Variants in EPB41L1 observed in about 807,000 individuals in gnomAD.
EPB41L1 encodes erythrocyte membrane protein band 4.1 like 1, also known as band 4.1-like protein 1.
A neutral mutation model predicts 97.8 loss-of-function variants in EPB41L1; 29 were observed. The observed-to-expected ratio is 0.30, with a 90% CI of 0.22 to 0.40. The LOEUF is 0.40. Among genes scored for constraint, EPB41L1 ranks in the 10% least tolerant of loss-of-function variants. The pLI, the probability that EPB41L1 is intolerant of heterozygous loss-of-function variation, is 1.00. For missense variants in EPB41L1, 812 were observed against 1,162.3 expected, an observed-to-expected ratio of 0.70 and a Z score of 4.38; for synonymous variants, 383 against 459.2, an observed-to-expected ratio of 0.83 and a Z score of 2.12.
At chr20:36,188,000 T>A (rs1413317843) in intron 8 of EPB41L1, among the ~76,000 whole-genome samples, 1 of 152,232 alleles carries the variant, frequency 6.6e-6, no homozygotes, top group African/African-American at 2.4e-5. Flanking sequence ...GGGAGCATTG[T>A]GAGGGAAAGA....
chr20:36,232,690 C>T lies in EPB41L1; in HGVS notation c.*3350C>T, dbSNP rs1219278634. 1 of 399,062 alleles carries T rather than the reference C, an allele frequency of 2.5e-6. No homozygotes were observed. The highest frequency in any genetic ancestry group is 2.1e-5 in the African/African-American group (1 of 48,590). 24.7% of individuals were successfully genotyped at this position (399,062 alleles called of 1,614,324 possible). On this transcript the variant is annotated 3_prime_UTR_variant, in exon 22 of 22. Transcript: ENST00000338074. Reference sequence around the variant, plus strand: ...TCCTTTTTACTCACACCCTTCTCTCCTTTCTCGTCCCCATGCTCCCCCACC... The same window carrying T: ...TCCTTTTTACTCACACCCTTCTCTCTTTTCTCGTCCCCATGCTCCCCCACC...
At chr20:36,167,245 A>T (rs780718401) in intron 1 of EPB41L1, among the ~76,000 whole-genome samples, 5 of 152,174 alleles carry the variant, frequency 3.3e-5, no homozygotes, top group Non-Finnish European at 5.9e-5. Flanking sequence ...AACAGACGGA[A>T]AGCCAATGTG....
chr20:36,131,843 G>A (rs774440987), intron 2 of EPB41L1, among the ~76,000 whole-genome samples: 8 of 152,192 alleles, frequency 5.3e-5, no homozygotes, highest in Non-Finnish European at 8.8e-5. Context: ...GGTTTATGGC[G>A]TAGGTGGCCC....
chr20:36,166,599 C>T (rs934706485), intron 1 of EPB41L1, among the ~76,000 whole-genome samples: 13 of 152,132 alleles, frequency 8.5e-5, no homozygotes, highest in Non-Finnish European at 1.8e-4. Context: ...TGAAAACCGA[C>T]CACCCAGCTG....
intron 2 of EPB41L1, among the ~76,000 whole-genome samples, chr20:36,131,132 C>T (rs1363567759): frequency 7.2e-5 from 11 of 152,092 alleles, no homozygotes; most frequent in South Asian, 2.1e-4. Context: ...TGTGCCACCA[C>T]GCCCAGCTAA....
chr20:36,095,042 G>A (rs1470948619), intron 1 of EPB41L1, among the ~76,000 whole-genome samples: 1 of 151,970 alleles, frequency 6.6e-6, no homozygotes, highest in African/African-American at 2.4e-5. Flanking sequence ...CATGATCTCG[G>A]CTCACTGCAA....
chr20:36,165,156 A>G (rs1346387756), intron 1 of EPB41L1, among the ~76,000 whole-genome samples: 1 of 151,194 alleles, frequency 6.6e-6, no homozygotes, highest in East Asian at 2.0e-4. Flanking sequence ...TAATTTTTGT[A>G]TTTTTTCTAG....
intron 1 of EPB41L1, among the ~76,000 whole-genome samples, chr20:36,096,426 A>G (rs974128697): frequency 7.9e-5 from 12 of 152,178 alleles, no homozygotes; most frequent in Non-Finnish European, 1.8e-4. Context: ...TTTGATCTCT[A>G]AGGCCCTTCA....
At chr20:36,122,132 A>T (rs1399458078) in intron 2 of EPB41L1, among the ~76,000 whole-genome samples, 2 of 152,170 alleles carry the variant, frequency 1.3e-5, no homozygotes, top group Non-Finnish European at 2.9e-5. Flanking sequence ...GAGAGTGGCC[A>T]CATTTTATCC....
chr20:36,170,819 T>C (rs556503666), intron 1 of EPB41L1, among the ~76,000 whole-genome samples: 1 of 152,270 alleles, frequency 6.6e-6, no homozygotes, highest in African/African-American at 2.4e-5. Flanking sequence ...GAGGAGTAGA[T>C]TGAATTATCT....
At chr20:36,217,305 A>C (rs1237005055) in intron 17 of EPB41L1, among the ~76,000 whole-genome samples, 2 of 152,210 alleles carry the variant, frequency 1.3e-5, no homozygotes, top group East Asian at 1.9e-4. Context: ...TTTGACCTCC[A>C]TGAGGCAGCA....
At chr20:36,126,269 TG>T (rs1291500138) in intron 2 of EPB41L1, among the ~76,000 whole-genome samples, 1 of 152,094 alleles carries the variant, frequency 6.6e-6, no homozygotes, top group East Asian at 1.9e-4. Context: ...GTAACAAAGC[TG>T]GGGATTTTAT....
In EPB41L1 at chr20:36,173,904, A is replaced by G. The variant is rs894380826; in HGVS notation, c.127A>G (p.Asn43Asp). 1.2e-6 allele frequency: 2 copies of G among 1,613,922 alleles called. No individual in the cohort carries two copies. The highest frequency in any genetic ancestry group is 2.7e-5 in the African/African-American group (2 of 74,928). Residue 43 changes from asparagine (N) to aspartate (D), a missense_variant, in exon 2 of 22, where the codon AAC becomes GAC. Around this residue, in one of 3 missense-constraint regions of EPB41L1, gnomAD observed 84 missense variants for 94.3 expected, o/e 0.89. Coordinates refer to ENST00000338074, the MANE Select transcript of EPB41L1 (RefSeq NM_012156.2). Reference sequence around the variant, plus strand: ...TGCAGGCCACGGCCACCCAGAGGCCAACTCCAATGAGAAGCATCCATCCCA... The same window carrying G: ...TGCAGGCCACGGCCACCCAGAGGCCGACTCCAATGAGAAGCATCCATCCCA... ...TPAGHGHPEANSNEKHPSQQD... is the reference protein window; with the variant it reads ...TPAGHGHPEADSNEKHPSQQD...
chr20:36,218,276 T>C (rs1388681008), intron 17 of EPB41L1, among the ~76,000 whole-genome samples: 1 of 152,198 alleles, frequency 6.6e-6, no homozygotes, highest in Non-Finnish European at 1.5e-5. Flanking sequence ...CAACTGGTGT[T>C]ATGAGAATTA....
At chr20:36,130,758 C>T (rs945981025) in intron 2 of EPB41L1, among the ~76,000 whole-genome samples, 11 of 142,522 alleles carry the variant, frequency 7.7e-5, no homozygotes, top group African/African-American at 1.1e-4. Context: ...TTTTATTTTT[C>T]TCTCTCTCTC....
chr20:36,138,883 T>C (rs781214520), intron 2 of EPB41L1, among the ~76,000 whole-genome samples: 6 of 149,448 alleles, frequency 4.0e-5, no homozygotes, highest in Non-Finnish European at 5.9e-5. Flanking sequence ...TTGTGTCCCA[T>C]TTTTTTTTTC....
At chr20:36,203,296 T>C (rs1569303773) in intron 14 of EPB41L1, among the ~76,000 whole-genome samples, 2 of 152,248 alleles carry the variant, frequency 1.3e-5, no homozygotes, top group Non-Finnish European at 2.9e-5. Context: ...CTCTCCCCTC[T>C]GGGATACCGT....
At chr20:36,165,532 C>T (rs907785853) in intron 1 of EPB41L1, among the ~76,000 whole-genome samples, 5 of 152,036 alleles carry the variant, frequency 3.3e-5, no homozygotes, top group Admixed American at 1.3e-4. Flanking sequence ...AACCCTGTCT[C>T]TACTAAAAAT....
upstream of EPB41L1, chr20:36,154,598 A>G (rs2060202539): frequency 1.3e-6 from 1 of 761,426 alleles, no homozygotes; most frequent in Non-Finnish European, 1.6e-6. The surrounding 1 kb of genome is among the most constrained non-coding windows in gnomAD (Gnocchi z 5.5). Flanking sequence ...GGCAGGCGCA[A>G]GCGGCGGCCG....
Sources: allele counts gnomAD v4.1 joint callset (sites outside exome capture counted in the v4.1 genomes callset), GRCh38; gene constraint gnomAD v4.1.1; regional missense constraint gnomAD v4.1.1; non-coding constraint Gnocchi (gnomAD v3.1); transcripts MANE v1.5; gene names NCBI Gene and HGNC (gene_info 2026-07-23, HGNC 2026-07-21).